Variants in FAF1 observed in about 807,000 individuals in gnomAD.
The protein encoded by FAF1 is FAS-associated factor 1.
Under a neutral mutation model 92.5 loss-of-function variants are expected in FAF1, and 25 were observed. That is an observed-to-expected ratio of 0.27 (90% CI 0.20 to 0.38). FAF1 has a LOEUF of 0.38. Among genes scored for constraint, FAF1 ranks in the 10% least tolerant of loss-of-function variants. FAF1 has a pLI of 1.00. For synonymous variants in FAF1, 234 were observed against 273.2 expected, an observed-to-expected ratio of 0.86 and a Z score of 1.42; for missense variants, 636 against 793.3, an observed-to-expected ratio of 0.80 and a Z score of 2.38.
chr1:50,673,678 A>G (rs1225705172), intron 7 of FAF1, among the ~76,000 whole-genome samples: 3 of 152,206 alleles, frequency 2.0e-5, no homozygotes, highest in Non-Finnish European at 2.9e-5. Flanking sequence ...AATCTGAAGA[A>G]GAAGGTATAA....
chr1:50,437,036 A>G lies in FAF1; in HGVS notation c.*4404T>C, dbSNP rs1646134857. 1.3e-5 allele frequency: 2 copies of G among 152,240 alleles called. No homozygotes were observed. Among genetic ancestry groups the G allele is most frequent in the South Asian group, 4.1e-4 (2 of 4,834 alleles). The allele number at this position is 152,240 out of a possible 1,614,324, so 9.4% of individuals were successfully genotyped here. A position where few individuals can be genotyped will look rare whatever the true frequency, so the allele number is the denominator to read the frequency against. On this transcript the variant is annotated 3_prime_UTR_variant, in exon 19 of 19. Coordinates refer to ENST00000396153, the MANE Select transcript of FAF1 (RefSeq NM_007051.3). ...GTTTATAGACTGAAGACTGGAGATC[A>G]TGTCTCTTTTATTAATATTTTCTTT... is the stretch of plus-strand genomic sequence containing the variant.
intron 2 of FAF1, among the ~76,000 whole-genome samples, chr1:50,825,059 TAAC>T (rs1644083231): frequency 6.6e-6 from 1 of 152,086 alleles, no homozygotes; most frequent in Non-Finnish European, 1.5e-5. Context: ...TGACTATAGT[TAAC>T]AATAATTTAG....
chr1:50,817,843 TTA>T (rs894576386), intron 2 of FAF1, among the ~76,000 whole-genome samples: 32 of 152,150 alleles, frequency 2.1e-4, no homozygotes. Flanking sequence ...GATACATGAA[TTA>T]TATCTCAATA....
intron 6 of FAF1, among the ~76,000 whole-genome samples, chr1:50,714,349 A>T (rs992207061): frequency 1.0e-4 from 15 of 144,372 alleles, no homozygotes; most frequent in African/African-American, 2.5e-4. Context: ...CTAAAAATTA[A>T]AAAAAAAAAA....
chr1:50,585,106 A>C (rs1190762900), intron 9 of FAF1, among the ~76,000 whole-genome samples: 1 of 152,224 alleles, frequency 6.6e-6, no homozygotes, highest in Non-Finnish European at 1.5e-5. Flanking sequence ...AGTAAGTGCA[A>C]AACAAATGAG....
intron 4 of FAF1, among the ~76,000 whole-genome samples, chr1:50,752,873 G>A (rs573484742): frequency 6.6e-6 from 1 of 152,080 alleles, no homozygotes; most frequent in South Asian, 2.1e-4. Context: ...CAGTAGAGAT[G>A]GGGTTTCACC....
At chr1:50,799,110 C>A (rs1661875286) in intron 3 of FAF1, among the ~76,000 whole-genome samples, 1 of 152,176 alleles carries the variant, frequency 6.6e-6, no homozygotes, top group African/African-American at 2.4e-5. Context: ...CCACGCCCAG[C>A]TCTCAAAGGA....
chr1:50,920,403 C>T (rs530008092), intron 1 of FAF1, among the ~76,000 whole-genome samples: 1 of 152,136 alleles, frequency 6.6e-6, no homozygotes, highest in African/African-American at 2.4e-5. Context: ...GCCCCAAGTA[C>T]TACTGCAGAT....
chr1:50,920,836 C>T (rs1027417375), intron 1 of FAF1, among the ~76,000 whole-genome samples: 2 of 152,120 alleles, frequency 1.3e-5, no homozygotes, highest in African/African-American at 4.8e-5. Flanking sequence ...GAATATTTAT[C>T]CCTAAGATTA....
At chr1:50,701,201 T>G (rs1657459935) in intron 7 of FAF1, among the ~76,000 whole-genome samples, 1 of 152,124 alleles carries the variant, frequency 6.6e-6, no homozygotes, top group South Asian at 2.1e-4. Context: ...TAATATATGT[T>G]AATTAAATTG....
At chr1:50,818,839 C>A (rs12073442) in intron 2 of FAF1, among the ~76,000 whole-genome samples, 9 of 150,704 alleles carry the variant, frequency 6.0e-5, no homozygotes, top group Non-Finnish European at 8.9e-5. Flanking sequence ...TCCATCCCCC[C>A]ACCAAAAAAA....
intron 8 of FAF1, among the ~76,000 whole-genome samples, chr1:50,621,179 G>A (rs1653183448): frequency 6.6e-6 from 1 of 152,178 alleles, no homozygotes; most frequent in African/African-American, 2.4e-5. Flanking sequence ...TCAGGGTGGG[G>A]TTATGGCTGT....
chr1:50,897,581 T>C (rs764619405), intron 1 of FAF1, among the ~76,000 whole-genome samples: 124 of 152,290 alleles, frequency 8.1e-4, no homozygotes, highest in Non-Finnish European at 1.1e-3. Flanking sequence ...AAAGCTATAA[T>C]AAATGAGAAA....
At chr1:50,847,573 A>G (rs74499206) in intron 2 of FAF1, among the ~76,000 whole-genome samples, 217 of 152,280 alleles carry the variant, frequency 1.4e-3, no homozygotes, top group African/African-American at 4.9e-3. Flanking sequence ...AACACACTGA[A>G]AAGAACAAAC....
At chr1:50,575,435 T>G (rs1342956430) in intron 12 of FAF1, among the ~76,000 whole-genome samples, 1 of 152,344 alleles carries the variant, frequency 6.6e-6, no homozygotes, top group East Asian at 1.9e-4. Context: ...GCTTTTTGAC[T>G]GATATACATG....
chr1:50,493,016 G>A (rs537135404), intron 15 of FAF1, among the ~76,000 whole-genome samples: 3 of 150,662 alleles, frequency 2.0e-5, no homozygotes, highest in East Asian at 2.0e-4. Flanking sequence ...TTCAGTCATC[G>A]ATTAAAGGAT....
At chr1:50,808,331 T>C (rs1662287680) in intron 2 of FAF1, among the ~76,000 whole-genome samples, 1 of 152,174 alleles carries the variant, frequency 6.6e-6, no homozygotes, top group Non-Finnish European at 1.5e-5. Context: ...AGATCACTGA[T>C]AATATAAAGC....
intron 15 of FAF1, among the ~76,000 whole-genome samples, chr1:50,517,562 C>T (rs1647263602): frequency 6.6e-6 from 1 of 152,112 alleles, no homozygotes; most frequent in Non-Finnish European, 1.5e-5. Context: ...TGGAAACTGG[C>T]AATAGGTCAG....
chr1:50,909,164 G>A (rs1644863515), intron 1 of FAF1, among the ~76,000 whole-genome samples: 1 of 152,130 alleles, frequency 6.6e-6, no homozygotes, highest in Non-Finnish European at 1.5e-5. Flanking sequence ...GAAATTCTGG[G>A]TTGAAAATTC....
Sources: allele counts gnomAD v4.1 joint callset (sites outside exome capture counted in the v4.1 genomes callset), GRCh38; gene constraint gnomAD v4.1.1; transcripts MANE v1.5; gene names NCBI Gene and HGNC (gene_info 2026-07-23, HGNC 2026-07-21).